Variants in IRAK1BP1 observed in about 807,000 individuals in gnomAD.
The protein encoded by IRAK1BP1 is interleukin 1 receptor associated kinase 1 binding protein 1, also known as interleukin-1 receptor-associated kinase 1-binding protein 1.
A neutral mutation model predicts 28.0 loss-of-function variants in IRAK1BP1; 24 were observed. The observed-to-expected ratio is 0.86, with a 90% confidence interval of 0.62 to 1.20. The LOEUF (loss-of-function observed/expected upper bound fraction) is 1.20. Ranked by LOEUF, IRAK1BP1 falls within the 50% of genes most tolerant of loss-of-function variation. IRAK1BP1 has a pLI of 0.00. For synonymous variants in IRAK1BP1, 131 were observed against 116.3 expected (o/e 1.13, Z -0.81); for missense variants, 336 against 316.7 (o/e 1.06, Z -0.46).
intron 4 of IRAK1BP1, among the ~76,000 whole-genome samples, chr6:78,944,697 G>A (rs913641458): frequency 2.0e-5 from 3 of 152,204 alleles, no homozygotes; most frequent in Admixed American, 1.3e-4. Flanking sequence ...AGAGGTTTCT[G>A]AAGACAACAA....
chr6:78,929,979 C>T (rs1773000097), intron 4 of IRAK1BP1, among the ~76,000 whole-genome samples: 1 of 152,120 alleles, frequency 6.6e-6, no homozygotes, highest in African/African-American at 2.4e-5. Flanking sequence ...CTCTGTCACT[C>T]AGGCTGGAGT....
chr6:78,965,680 C>G, the IRAK1BP1 span: 6 of 1,383,096 alleles, frequency 4.3e-6, no homozygotes, highest in Non-Finnish European at 6.0e-6. Flanking sequence ...AATGGAGAAA[C>G]AAAAAGCCTA....
chr6:78,933,973 T>G (rs1281892222), intron 4 of IRAK1BP1, among the ~76,000 whole-genome samples: 1 of 152,202 alleles, frequency 6.6e-6, no homozygotes, highest in African/African-American at 2.4e-5. Context: ...CATGCCTTTT[T>G]CACTAAGCTT....
At position 78,867,702 on chromosome 6, in the gene IRAK1BP1, C is replaced by T. The variant is rs1318766373; in HGVS notation, c.126C>T (p.Ser42=). 1.7e-5 allele frequency: 27 copies of T among 1,614,156 alleles called. No individual in the cohort carries two copies. Among genetic ancestry groups the T allele is most frequent in the Non-Finnish European group, 2.3e-5 (27 of 1,180,064 alleles). The change falls in exon 1 of 4, where the codon TCC becomes TCT. Residue 42 remains serine (S), a synonymous_variant. Coordinates refer to ENST00000369940, the MANE Select transcript of IRAK1BP1 (RefSeq NM_001010844.4). Reference sequence around the variant, plus strand: ...TACCGGGCTTACGCCACCCCCTCTCCTCAACACAAGCCCAAACTGCTACCC... The same window carrying T: ...TACCGGGCTTACGCCACCCCCTCTCTTCAACACAAGCCCAAACTGCTACCC... ...ETLPGLRHPL[S]STQAQTATRE...
At chr6:78,946,920 T>C, downstream of IRAK1BP1, 1 of 1,245,130 alleles carries the variant, frequency 8.0e-7, no homozygotes, top group Non-Finnish European at 1.1e-6. Flanking sequence ...TGGAGGAAAA[T>C]ACCTTTGTTC....
the IRAK1BP1 span, among the ~76,000 whole-genome samples, chr6:78,971,722 C>A: frequency 6.6e-6 from 1 of 152,178 alleles, no homozygotes; most frequent in African/African-American, 2.4e-5. Context: ...TCAGGAAGCA[C>A]AGGGAGTCAG....
intron 4 of IRAK1BP1, among the ~76,000 whole-genome samples, chr6:78,943,317 C>T (rs980886599): frequency 6.6e-6 from 1 of 151,996 alleles, no homozygotes; most frequent in South Asian, 2.1e-4. Flanking sequence ...TACCAGTACT[C>T]GAGTATTTGT....
chr6:78,938,138 T>C (rs988244314), intron 4 of IRAK1BP1: 2 of 151,662 alleles, frequency 1.3e-5, no homozygotes, highest in African/African-American at 4.8e-5. Flanking sequence ...AGCTAAATTA[T>C]AAAAATATAA....
chr6:78,932,232 A>T (rs1424583152), intron 4 of IRAK1BP1, among the ~76,000 whole-genome samples: 1 of 151,986 alleles, frequency 6.6e-6, no homozygotes, highest in Non-Finnish European at 1.5e-5. Flanking sequence ...ATCATCCATG[A>T]GGGTTGGAAT....
Position 78,893,302 on chromosome 6 carries a change from G to C in IRAK1BP1, c.382-4527G>C, listed in dbSNP as rs1469158359. Among the ~76,000 whole-genome samples, 6 of 98,162 alleles carry C rather than the reference G, an allele frequency of 6.1e-5. No individual in the cohort carries two copies. In the East Asian group the frequency reaches 1.9e-3, roughly 31 times the overall value. The allele number at this position is 98,162 out of a possible 152,430, so 64.4% of individuals were successfully genotyped here. A position where few individuals can be genotyped will look rare whatever the true frequency, so the allele number is the denominator to read the frequency against. On this transcript the variant is annotated intron_variant, in intron 2 of 3. Coordinates refer to ENST00000369940, the MANE Select transcript of IRAK1BP1 (RefSeq NM_001010844.4). Reference sequence around the variant, plus strand: ...TATATGTGTGTATATATGTGTGTGTGTGTGTGTGTGTGTATATATATATAT... The same window carrying C: ...TATATGTGTGTATATATGTGTGTGTCTGTGTGTGTGTGTATATATATATAT...
chr6:78,965,625 G>T, the IRAK1BP1 span: 1 of 793,864 alleles, frequency 1.3e-6, no homozygotes, highest in Non-Finnish European at 2.1e-6. Flanking sequence ...GTAAGTGGTA[G>T]CATGTTAGCA....
At chr6:78,961,704 T>C in the IRAK1BP1 span, 1 of 1,612,324 alleles carries the variant, frequency 6.2e-7, no homozygotes, top group East Asian at 2.2e-5. Context: ...AAAACCTGTT[T>C]TCCAGTCTTT....
chr6:78,946,620 G>C (rs185445971), downstream of IRAK1BP1: 6 of 1,455,518 alleles, frequency 4.1e-6, no homozygotes, highest in Middle Eastern at 5.2e-4. Flanking sequence ...GCAATATAGG[G>C]AATAGTAAAG....
Position 78,935,410 on chromosome 6 carries a change from ATT to A in IRAK1BP1, c.*68-9996_*68-9995del, listed in dbSNP as rs549126071. On this transcript the variant is annotated intron_variant and NMD_transcript_variant, in intron 4 of 4. Coordinates refer to the IRAK1BP1 transcript ENST00000606868. ...TAAAAATGCATGCCAATCTGACAAA[ATT>A]TCTAGGAAAACTGCAATAACCTTCT... The A allele has an allele frequency of 2.4e-4, 182 of 758,686 alleles. 1 individual carries two copies. The South Asian group carries it at 5.9e-3, about 25-fold the overall frequency. The allele number at this position is 758,686 out of a possible 1,614,324, so 47.0% of individuals were successfully genotyped here.
chr6:78,925,302 C>G (rs1431733272), intron 4 of IRAK1BP1, among the ~76,000 whole-genome samples: 4 of 151,830 alleles, frequency 2.6e-5, no homozygotes, highest in Non-Finnish European at 2.9e-5. Flanking sequence ...GACATGTACC[C>G]TAAAACTTAA....
At chr6:78,916,833 G>T (rs1165165635) in intron 4 of IRAK1BP1, among the ~76,000 whole-genome samples, 1 of 151,958 alleles carries the variant, frequency 6.6e-6, no homozygotes, top group Non-Finnish European at 1.5e-5. Flanking sequence ...AGTCCCAGCT[G>T]CTTGGGAGGC....
chr6:78,871,880 T>G lies in IRAK1BP1; in HGVS notation c.315+3989T>G, dbSNP rs1770804943. 1.5e-5 allele frequency: 8 copies of G among 518,180 alleles called. 1 individual carries two copies. The South Asian group carries it at 2.5e-4, about 16-fold the overall frequency. 32.1% of individuals were successfully genotyped at this position (518,180 alleles called of 1,614,324 possible). A position where few individuals can be genotyped will look rare whatever the true frequency, so the allele number is the denominator to read the frequency against. ...ACCACTACTTGTATCCTTTGGCACT[T>G]CACATTTGTGTGCATGCAGGCCCAG... On this transcript the variant is annotated intron_variant, in intron 1 of 3. Transcript: ENST00000369940.
rs79733388 is a variant in IRAK1BP1, at chr6:78,867,709, C to G, written c.133C>G (p.Gln45Glu). 1.4e-3 allele frequency: 2,184 copies of G among 1,614,240 alleles called. 2 individuals carry two copies. Among genetic ancestry groups the G allele is most frequent in the Non-Finnish European group, 1.8e-3 (2,108 of 1,180,046 alleles). Residue 45 changes from glutamine (Q) to glutamate (E), a missense_variant, in exon 1 of 4, where the codon CAA becomes GAA. By Grantham distance (29) the Gln-to-Glu change is conservative. Transcript: ENST00000369940. ...PGLRHPLSST[Q>E]AQTATREVQV... The stretch of plus-strand genomic sequence containing the variant: ...CTTACGCCACCCCCTCTCCTCAACA[C>G]AAGCCCAAACTGCTACCCGCGAGGT...
the IRAK1BP1 span, chr6:78,955,492 T>A: frequency 8.0e-5 from 44 of 549,242 alleles, no homozygotes; most frequent in Middle Eastern, 4.5e-4. Context: ...TTTTTTTTTT[T>A]TAAATTAACT....
Sources: gnomAD v4.1 joint callset for allele counts (sites outside exome capture counted in the v4.1 genomes callset) on GRCh38, gnomAD v4.1.1 for gene constraint, MANE v1.5 for transcripts, NCBI Gene and HGNC (gene_info 2026-07-23, HGNC 2026-07-21) for gene names.